KANSL1L: variants seen among roughly 807,000 people sequenced by gnomAD.
KANSL1L encodes KAT8 regulatory NSL complex subunit 1-like protein.
Under a neutral mutation model 108.6 loss-of-function variants are expected in KANSL1L, and 25 were observed. The observed-to-expected ratio is 0.23, with a 90% CI of 0.17 to 0.32. KANSL1L has a LOEUF of 0.32. KANSL1L is among the 10% of genes least tolerant of loss of function. The pLI is 1.00. For missense variants in KANSL1L, 1,137 were observed against 1,125.7 expected, an observed-to-expected ratio of 1.01 and a Z score of -0.14; for synonymous variants, 405 against 395.1, an observed-to-expected ratio of 1.03 and a Z score of -0.30.
intron 8 of KANSL1L, among the ~76,000 whole-genome samples, chr2:210,033,953 T>A (rs1033200729): frequency 1.3e-5 from 2 of 152,212 alleles, no homozygotes; most frequent in Non-Finnish European, 2.9e-5. Flanking sequence ...AGGAAATGTA[T>A]GACAATTCTA....
At chr2:210,144,740 C>T (rs2095253838) in intron 2 of KANSL1L, among the ~76,000 whole-genome samples, 1 of 152,146 alleles carries the variant, frequency 6.6e-6, no homozygotes, top group Non-Finnish European at 1.5e-5. Context: ...AATTGCCCCT[C>T]TGTGTTCTCT....
intron 5 of KANSL1L, among the ~76,000 whole-genome samples, chr2:210,092,838 C>T (rs1265993715): frequency 1.3e-5 from 2 of 152,184 alleles, no homozygotes; most frequent in Non-Finnish European, 2.9e-5. Flanking sequence ...AACTAGGGAT[C>T]TCTTGGATCA....
In KANSL1L at chr2:210,022,878, G is replaced by A. The variant is rs1052534306; in HGVS notation, c.*71C>T. ...CATGCTCTTATTCTGGAGGGGATGGGGGATCCAGAACAGGGCTTTATTTCC... is the reference window on the plus strand; with the variant it reads ...CATGCTCTTATTCTGGAGGGGATGGAGGATCCAGAACAGGGCTTTATTTCC... On this transcript the variant is annotated 3_prime_UTR_variant, in exon 15 of 15. Coordinates refer to ENST00000281772, the MANE Select transcript of KANSL1L (RefSeq NM_152519.4). The A allele has an allele frequency of 3.0e-6, 3 of 1,009,296 alleles. No homozygotes were observed. Among genetic ancestry groups the A allele is most frequent in the Non-Finnish European group, 4.6e-6 (3 of 650,520 alleles). The allele number at this position is 1,009,296 out of a possible 1,614,324, so 62.5% of individuals were successfully genotyped here.
chr2:210,087,561 G>A (rs1012782273), intron 5 of KANSL1L, among the ~76,000 whole-genome samples: 1 of 152,074 alleles, frequency 6.6e-6, no homozygotes, highest in African/African-American at 2.4e-5. Flanking sequence ...CTGAGTATGG[G>A]CAAGAAATCA....
At chr2:210,066,197 A>AT (rs1184731918) in intron 6 of KANSL1L, among the ~76,000 whole-genome samples, 2 of 152,154 alleles carry the variant, frequency 1.3e-5, no homozygotes, top group Non-Finnish European at 2.9e-5. Flanking sequence ...CTATATTTGC[A>AT]TTTTGGGAGG....
chr2:210,130,030 G>T (rs1416906063), intron 2 of KANSL1L, among the ~76,000 whole-genome samples: 1 of 149,312 alleles, frequency 6.7e-6, no homozygotes, highest in South Asian at 2.1e-4. Flanking sequence ...AGATATAACT[G>T]TAGGACAACA....
intron 5 of KANSL1L, among the ~76,000 whole-genome samples, chr2:210,093,709 T>A (rs2094712014): frequency 6.6e-6 from 1 of 152,188 alleles, no homozygotes; most frequent in Admixed American, 6.5e-5. Flanking sequence ...AATTATCACA[T>A]AATCCAGCAA....
intron 6 of KANSL1L, among the ~76,000 whole-genome samples, chr2:210,059,108 A>G (rs960933712): frequency 6.7e-6 from 1 of 150,098 alleles, no homozygotes; most frequent in Admixed American, 6.6e-5. Flanking sequence ...ACTGCACTCC[A>G]GCCTGGGTGA....
In KANSL1L at chr2:210,169,610, A is replaced by G. The variant is rs377149158; in HGVS notation, c.-30+1539T>C. Among the ~76,000 whole-genome samples, 16 of 152,332 alleles carry G rather than the reference A, an allele frequency of 1.1e-4. 1 individual carries two copies. The South Asian group carries it at 1.2e-3, about 12-fold the overall frequency. The stretch of plus-strand genomic sequence containing the variant: ...ATTAAAATGTAAATGTTAAAAGTCA[A>G]TGTGAGAGAATTGGCCTGGATTAAG... On this transcript the variant is annotated intron_variant, in intron 1 of 14. Transcript: ENST00000281772.
At chr2:210,076,735 G>A (rs943357707) in intron 5 of KANSL1L, among the ~76,000 whole-genome samples, 2 of 151,278 alleles carry the variant, frequency 1.3e-5, no homozygotes. Context: ...AGAACATCAG[G>A]AGGATGATAA....
intron 2 of KANSL1L, among the ~76,000 whole-genome samples, chr2:210,142,991 T>G (rs180738472): frequency 6.6e-6 from 1 of 152,028 alleles, no homozygotes; most frequent in East Asian, 1.9e-4. Context: ...AGCCCAATGC[T>G]TCCTTTTGAT....
intron 2 of KANSL1L, among the ~76,000 whole-genome samples, chr2:210,132,304 C>CA (rs2125554635): frequency 6.6e-6 from 1 of 152,230 alleles, no homozygotes; most frequent in African/African-American, 2.4e-5. Flanking sequence ...CCAGCATACT[C>CA]AGAGTGTCCC....
chr2:210,119,604 T>C (rs939165911), intron 3 of KANSL1L, among the ~76,000 whole-genome samples: 1 of 152,198 alleles, frequency 6.6e-6, no homozygotes, highest in African/African-American at 2.4e-5. Context: ...GTCATTTCAA[T>C]TGATGCTGAA....
intron 1 of KANSL1L, among the ~76,000 whole-genome samples, chr2:210,166,732 G>A (rs1001742581): frequency 6.6e-6 from 1 of 152,044 alleles, no homozygotes; most frequent in African/African-American, 2.4e-5. Flanking sequence ...CAGAAAGACA[G>A]CAGATTTATA....
At chr2:210,038,092 G>C (rs1382277395) in intron 8 of KANSL1L, among the ~76,000 whole-genome samples, 3 of 152,024 alleles carry the variant, frequency 2.0e-5, no homozygotes, top group Non-Finnish European at 4.4e-5. Context: ...TTTTAAGGCT[G>C]TATATTCCAC....
intron 5 of KANSL1L, among the ~76,000 whole-genome samples, chr2:210,081,447 A>G (rs760238893): frequency 1.3e-5 from 2 of 152,178 alleles, no homozygotes; most frequent in Non-Finnish European, 2.9e-5. Context: ...ATCTCCCTCC[A>G]AAGACTAGGT....
chr2:210,163,757 C>G (rs1037984336), intron 1 of KANSL1L, among the ~76,000 whole-genome samples: 4 of 151,942 alleles, frequency 2.6e-5, no homozygotes, highest in Non-Finnish European at 5.9e-5. Flanking sequence ...AACAAATGAT[C>G]CATTTAAAAA....
At chr2:210,168,559 T>G (rs1688129134) in intron 1 of KANSL1L, among the ~76,000 whole-genome samples, 1 of 152,058 alleles carries the variant, frequency 6.6e-6, no homozygotes, top group African/African-American at 2.4e-5. Context: ...CAGTGAAACC[T>G]TTACGTTAAT....
intron 3 of KANSL1L, among the ~76,000 whole-genome samples, chr2:210,119,107 C>T (rs1479240656): frequency 6.6e-6 from 1 of 151,640 alleles, no homozygotes; most frequent in Non-Finnish European, 1.5e-5. Flanking sequence ...TCTCTTGAAC[C>T]TGGGAGGCGG....
Sources: gnomAD v4.1 joint callset for allele counts (sites outside exome capture counted in the v4.1 genomes callset) on GRCh38, gnomAD v4.1.1 for gene constraint, MANE v1.5 for transcripts, NCBI Gene and HGNC (gene_info 2026-07-23, HGNC 2026-07-21) for gene names.